Variants in NDFIP2 observed in about 807,000 individuals in gnomAD.
NDFIP2 encodes NEDD4 family-interacting protein 2.
A neutral mutation model predicts 36.0 loss-of-function variants in NDFIP2; 19 were observed. The ratio of observed to expected loss-of-function variants is 0.53; its 90% CI spans 0.37 to 0.77. The LOEUF is 0.77. NDFIP2 is among the 30% of genes least tolerant of loss of function. The probability of loss-of-function intolerance (pLI) is 0.00; values close to 1 mark genes in which losing one functional copy is unlikely to be tolerated. For synonymous variants in NDFIP2, 181 were observed against 167.7 expected, an observed-to-expected ratio of 1.08 and a Z score of -0.61; for missense variants, 446 against 435.8, an observed-to-expected ratio of 1.02 and a Z score of -0.21.
chr13:79,522,475 A>G (rs970844259), intron 2 of NDFIP2, among the ~76,000 whole-genome samples: 6 of 152,228 alleles, frequency 3.9e-5, no homozygotes, highest in East Asian at 3.8e-4. Flanking sequence ...ATTGCTGTGT[A>G]ACAAACTACC....
chr13:79,498,446 A>T (rs936626916), intron 1 of NDFIP2, among the ~76,000 whole-genome samples: 4 of 151,990 alleles, frequency 2.6e-5, no homozygotes, highest in Non-Finnish European at 5.9e-5. Context: ...GAATGGGTTC[A>T]TTGGAGAATT....
intron 3 of NDFIP2, among the ~76,000 whole-genome samples, chr13:79,535,759 G>A (rs1875211129): frequency 6.6e-6 from 1 of 151,758 alleles, no homozygotes; most frequent in South Asian, 2.1e-4. Context: ...AAAATTGCTA[G>A]GAGAGTAGAT....
chr13:79,549,461 G>A (rs1875816838), intron 6 of NDFIP2, among the ~76,000 whole-genome samples: 1 of 151,810 alleles, frequency 6.6e-6, no homozygotes, highest in Admixed American at 6.6e-5. Context: ...GTTAGTGTGG[G>A]GCAGAGTAGA....
chr13:79,505,308 G>A (rs749465377), intron 1 of NDFIP2, among the ~76,000 whole-genome samples: 4 of 152,168 alleles, frequency 2.6e-5, no homozygotes, highest in African/African-American at 7.2e-5. Context: ...CACAATGTGG[G>A]TGTGTTATCC....
At chr13:79,510,382 G>GTT (rs567176342) in intron 1 of NDFIP2, among the ~76,000 whole-genome samples, 32 of 137,222 alleles carry the variant, frequency 2.3e-4, no homozygotes, top group South Asian at 1.2e-3. Flanking sequence ...GATTTTTTTT[G>GTT]TTTTTTTTTT....
chr13:79,481,367 G>T lies in NDFIP2; in HGVS notation c.164G>T (p.Gly55Val). The change falls in exon 1 of 8, where the codon GGC becomes GTC. Residue 55 changes from glycine to valine, a missense_variant. Physicochemically the swap from Gly to Val is moderately radical, Grantham distance 109 (BLOSUM62 -3). Coordinates refer to ENST00000218652, the MANE Select transcript of NDFIP2 (RefSeq NM_019080.3). ...GAAGAGCTTCCGCCGGGAGACCGCG[G>T]CTGCAGGAACGGAGGCGGAAGGGGC... ...GSEELPPGDR[G>V]CRNGGGRGPA... The T allele has an allele frequency of 6.4e-7, 1 of 1,552,990 alleles. No homozygotes were observed.
At chr13:79,542,941 A>T (rs1185842972) in intron 4 of NDFIP2, among the ~76,000 whole-genome samples, 1 of 148,388 alleles carries the variant, frequency 6.7e-6, no homozygotes, top group Non-Finnish European at 1.5e-5. Flanking sequence ...CAGTGGCGTG[A>T]TCTTGGCCCA....
chr13:79,504,781 C>G (rs1873796590), intron 1 of NDFIP2, among the ~76,000 whole-genome samples: 1 of 152,078 alleles, frequency 6.6e-6, no homozygotes, highest in Admixed American at 6.6e-5. Flanking sequence ...TAGTGGTTGT[C>G]AAATGGTGAT....
chr13:79,491,466 G>C (rs1290004557), intron 1 of NDFIP2, among the ~76,000 whole-genome samples: 1 of 152,062 alleles, frequency 6.6e-6, no homozygotes, highest in Admixed American at 6.6e-5. Flanking sequence ...TCAATAAGTA[G>C]CCCATGAAGC....
chr13:79,491,151 G>T (rs1873211041), intron 1 of NDFIP2, among the ~76,000 whole-genome samples: 2 of 152,004 alleles, frequency 1.3e-5, no homozygotes, highest in East Asian at 3.8e-4. Flanking sequence ...CCTCATGGTG[G>T]TAGAGAGATT....
intron 5 of NDFIP2, 133 bp from the exon 6 acceptor site, chr13:79,548,195 T>G: frequency 6.8e-6 from 5 of 730,506 alleles, no homozygotes; most frequent in Non-Finnish European, 1.2e-5. Context: ...CATTAAGTGT[T>G]TTTATTTTTC....
At chr13:79,524,856 G>A (rs893198185) in intron 2 of NDFIP2, among the ~76,000 whole-genome samples, 12 of 152,154 alleles carry the variant, frequency 7.9e-5, no homozygotes, top group African/African-American at 2.7e-4. Context: ...TCACCACACG[G>A]TACCTGAGTT....
At position 79,520,817 on chromosome 13, in the gene NDFIP2, A is replaced by G; in HGVS notation, c.329A>G (p.Asn110Ser). 6.2e-7 allele frequency: 1 copy of G among 1,602,442 alleles called. No individual in the cohort carries two copies. Among genetic ancestry groups the G allele is most frequent in the South Asian group, 1.1e-5 (1 of 89,680 alleles). ...TTTCTTTTGTTCTCTTAGCTTCTTA[A>G]TGAAGAGGATAACTCAGAATCATCG... ...PGTGRYQVLL[N>S]EEDNSESSAI... Residue 110 changes from asparagine (N) to serine (S), a missense_variant, in exon 2 of 8, where the codon AAT becomes AGT. Physicochemically the swap from Asn to Ser is conservative, Grantham distance 46 (BLOSUM62 1). Coordinates refer to ENST00000218652, the MANE Select transcript of NDFIP2 (RefSeq NM_019080.3).
intron 1 of NDFIP2, among the ~76,000 whole-genome samples, chr13:79,502,890 G>GT (rs60970271): frequency 8.1e-4 from 117 of 145,198 alleles, no homozygotes; most frequent in South Asian, 1.5e-3. Flanking sequence ...CTGGGGGGAG[G>GT]TTTTTTTTTT....
chr13:79,482,798 C>A (rs1357752350), intron 1 of NDFIP2, among the ~76,000 whole-genome samples: 2 of 152,164 alleles, frequency 1.3e-5, no homozygotes, highest in Non-Finnish European at 2.9e-5. Context: ...GGTCCATATT[C>A]CGAATTCTTT....
chr13:79,517,533 T>A (rs1874398382), intron 1 of NDFIP2, among the ~76,000 whole-genome samples: 1 of 152,210 alleles, frequency 6.6e-6, no homozygotes. Context: ...GGCAAAGATA[T>A]CAAAATTACA....
chr13:79,505,972 G>A (rs57603166), intron 1 of NDFIP2, among the ~76,000 whole-genome samples: 6,517 of 152,190 alleles, frequency 0.043, 483 homozygotes, highest in African/African-American at 0.15. Context: ...AGACGAAAAT[G>A]ATTATCAGAG....
intron 1 of NDFIP2, among the ~76,000 whole-genome samples, chr13:79,501,454 G>A (rs991923023): frequency 6.6e-6 from 1 of 151,986 alleles, no homozygotes; most frequent in African/African-American, 2.4e-5. Flanking sequence ...CTTTTCCTGT[G>A]GATCTAAATC....
chr13:79,484,764 G>A (rs1013345977), intron 1 of NDFIP2, among the ~76,000 whole-genome samples: 2 of 152,106 alleles, frequency 1.3e-5, no homozygotes, highest in East Asian at 1.9e-4. Flanking sequence ...GACTATTAAC[G>A]GGTAAAAAAC....
Sources: allele counts gnomAD v4.1 joint callset (sites outside exome capture counted in the v4.1 genomes callset), GRCh38; gene constraint gnomAD v4.1.1; transcripts MANE v1.5; gene names NCBI Gene and HGNC (gene_info 2026-07-23, HGNC 2026-07-21).